The following MLIP variants were observed in gnomAD, a reference collection of about 807,000 sequenced individuals.
MLIP encodes muscular LMNA-interacting protein.
Under a neutral mutation model 84.8 loss-of-function variants are expected in MLIP, and 79 were observed. That is an observed-to-expected ratio of 0.93 (90% CI 0.78 to 1.12). The LOEUF (loss-of-function observed/expected upper bound fraction) is 1.12. Among genes scored for constraint, MLIP ranks in the 50% most tolerant of loss-of-function variants. The probability of loss-of-function intolerance (pLI) is 0.00; values close to 1 mark genes in which losing one functional copy is unlikely to be tolerated. For missense variants in MLIP, 1,257 were observed against 1,160.6 expected, an observed-to-expected ratio of 1.08 and a Z score of -1.21; for synonymous variants, 504 against 463.0, an observed-to-expected ratio of 1.09 and a Z score of -1.14.
intron 1 of MLIP, among the ~76,000 whole-genome samples, chr6:54,088,031 G>A (rs1767617986): frequency 6.6e-6 from 1 of 152,134 alleles, no homozygotes; most frequent in Non-Finnish European, 1.5e-5. Flanking sequence ...AACGGCCATG[G>A]TATCATTTTC....
intron 1 of MLIP, chr6:54,047,000 A>C (rs979967180): frequency 9.2e-5 from 14 of 152,228 alleles, no homozygotes; most frequent in African/African-American, 3.4e-4. Flanking sequence ...GTAATGAAAC[A>C]GAGTTCACTG....
intron 11 of MLIP, among the ~76,000 whole-genome samples, chr6:54,211,508 A>T (rs1779448952): frequency 6.6e-6 from 1 of 152,214 alleles, no homozygotes; most frequent in African/African-American, 2.4e-5. Context: ...TAATAGAACC[A>T]AAGGAAATCT....
At chr6:54,122,027 A>G in intron 2 of MLIP, among the ~76,000 whole-genome samples, 1 of 152,228 alleles carries the variant, frequency 6.6e-6, no homozygotes, top group Non-Finnish European at 1.5e-5. Context: ...AAATATTGGC[A>G]TGCTTACACT....
chr6:54,171,968 G>A (rs1204277723), intron 9 of MLIP, among the ~76,000 whole-genome samples: 2 of 151,502 alleles, frequency 1.3e-5, no homozygotes, highest in Admixed American at 6.6e-5. Context: ...GATTCAGTGC[G>A]TCATTGACTT....
chr6:54,122,306 C>A (rs975271897), intron 2 of MLIP, among the ~76,000 whole-genome samples: 2 of 152,090 alleles, frequency 1.3e-5, no homozygotes, highest in African/African-American at 2.4e-5. Flanking sequence ...AAAATGTTAA[C>A]CTTACAATAT....
At chr6:54,098,148 CTTTTTTTTTTT>C (rs5876357) in intron 1 of MLIP, among the ~76,000 whole-genome samples, 5 of 123,858 alleles carry the variant, frequency 4.0e-5, no homozygotes, top group African/African-American at 1.3e-4. Context: ...ATTTTTCTTT[CTTTTTTTTTTT>C]TTTTTTTTTT....
At chr6:54,112,666 T>TA (rs5876361) in intron 1 of MLIP, among the ~76,000 whole-genome samples, 59,105 of 151,536 alleles carry the variant, frequency 0.39, 11,978 homozygotes, top group African/African-American at 0.49. Flanking sequence ...TCAACTAAAA[T>TA]AAAAAAAAAT....
intron 1 of MLIP, among the ~76,000 whole-genome samples, chr6:54,113,113 A>T (rs515501): frequency 0.38 from 57,265 of 151,988 alleles, 11,073 homozygotes; most frequent in Admixed American, 0.45. Context: ...GGGTGCTTAT[A>T]ATGAAGACTT....
intron 2 of MLIP, among the ~76,000 whole-genome samples, chr6:54,123,940 T>C (rs185996117): frequency 6.6e-6 from 1 of 152,350 alleles, no homozygotes; most frequent in Admixed American, 6.5e-5. Context: ...TGCATCTTTT[T>C]TGGTGTTCTA....
At chr6:54,131,273 A>G (rs776917949) in intron 3 of MLIP, among the ~76,000 whole-genome samples, 6 of 152,256 alleles carry the variant, frequency 3.9e-5, no homozygotes, top group Non-Finnish European at 7.4e-5. Flanking sequence ...GGCAGAATTT[A>G]TTTCCTTGAG....
Position 54,136,771 on chromosome 6 carries a change from C to A in MLIP, c.702C>A (p.Ser234=). The A allele has an allele frequency of 6.6e-7, 1 of 1,520,418 alleles. No individual in the cohort carries two copies. The highest frequency in any genetic ancestry group is 2.5e-5 in the East Asian group (1 of 40,436). The allele number at this position is 1,520,418 out of a possible 1,614,324, so 94.2% of individuals were successfully genotyped here. ...EQLACKPPAF[S]FVSPTNPNTP... is the part of the protein sequence containing the mutation. ...TTGCCTGTAAACCACCTGCTTTCTC[C>A]TTTGTTTCTCCAACTAATCCGAACA... Residue 234 remains serine, a synonymous_variant, in exon 4 of 14, where the codon TCC becomes TCA. Coordinates refer to ENST00000502396, the MANE Select transcript of MLIP (RefSeq NM_001281747.2).
At chr6:54,230,132 C>T (rs1346127816) in intron 11 of MLIP, among the ~76,000 whole-genome samples, 1 of 152,184 alleles carries the variant, frequency 6.6e-6, no homozygotes, top group Non-Finnish European at 1.5e-5. Flanking sequence ...CAAAACAACA[C>T]ATTGCCTAGA....
chr6:54,215,146 C>T (rs770689411), intron 11 of MLIP: 2 of 1,535,250 alleles, frequency 1.3e-6, no homozygotes, highest in Non-Finnish European at 8.7e-7. Context: ...TCAGGCTGCA[C>T]ATTCTGTGGA....
At position 54,247,330 on chromosome 6, in the gene MLIP, A is replaced by G. The variant is rs142860764; in HGVS notation, c.2923-9978A>G. ...CATTTATTTTATCCTTTGAAGTTTG[A>G]ATAAAAAACCATCATAGCTGTTAGT... On this transcript the variant is annotated intron_variant, in intron 12 of 13. Coordinates refer to ENST00000502396, the MANE Select transcript of MLIP (RefSeq NM_001281747.2). 6.2e-4 allele frequency among the ~76,000 whole-genome samples: 94 copies of G among 152,292 alleles called. No individual in the cohort carries two copies. The Middle Eastern group carries it at 0.014, about 22-fold the overall frequency.
intron 5 of MLIP, among the ~76,000 whole-genome samples, chr6:54,158,872 A>C (rs920854677): frequency 5.5e-4 from 3 of 5,416 alleles, no homozygotes; most frequent in Non-Finnish European, 2.2e-3. Context: ...GAAGTATGAT[A>C]AAAAAAAAAA....
At chr6:54,095,634 A>C (rs554119558) in intron 1 of MLIP, among the ~76,000 whole-genome samples, 1 of 152,222 alleles carries the variant, frequency 6.6e-6, no homozygotes, top group African/African-American at 2.4e-5. Flanking sequence ...TCTGCTTTCT[A>C]ATGACATTTT....
chr6:54,247,506 C>G (rs1457851443), intron 12 of MLIP, among the ~76,000 whole-genome samples: 1 of 151,998 alleles, frequency 6.6e-6, no homozygotes, highest in Non-Finnish European at 1.5e-5. Context: ...CCATGTAGGG[C>G]AAGAAGCGGA....
intron 3 of MLIP, among the ~76,000 whole-genome samples, chr6:54,130,045 A>C (rs1771255112): frequency 6.6e-6 from 1 of 152,064 alleles, no homozygotes. Context: ...GGGTGAGTAC[A>C]TGATTCCCTC....
At chr6:54,108,438 T>C (rs1396611271), upstream of MLIP, among the ~76,000 whole-genome samples, 1 of 152,190 alleles carries the variant, frequency 6.6e-6, no homozygotes, top group East Asian at 1.9e-4. Context: ...TCACTTTCTA[T>C]TTAAATACAG....
Sources: allele counts gnomAD v4.1 joint callset (sites outside exome capture counted in the v4.1 genomes callset), GRCh38; gene constraint gnomAD v4.1.1; transcripts MANE v1.5; gene names NCBI Gene and HGNC (gene_info 2026-07-23, HGNC 2026-07-21).